The following CALN1 variants were observed in gnomAD, a reference collection of about 807,000 sequenced individuals.
CALN1 encodes calcium-binding protein 8.
Under a neutral mutation model 30.6 loss-of-function variants are expected in CALN1, and 17 were observed. The ratio of observed to expected loss-of-function variants is 0.56; its 90% CI spans 0.38 to 0.83. The LOEUF (loss-of-function observed/expected upper bound fraction) is 0.83, where lower values mean the gene tolerates loss of function less well. Ranked by LOEUF, CALN1 falls within the 40% of genes least tolerant of loss-of-function variation. The pLI is 0.00. For missense variants in CALN1, 291 were observed against 354.9 expected (o/e 0.82, Z 1.45); for synonymous variants, 156 against 131.4 (o/e 1.19, Z -1.28).
chr7:72,213,973 A>G (rs752782023), intron 3 of CALN1, among the ~76,000 whole-genome samples: 1 of 152,268 alleles, frequency 6.6e-6, no homozygotes, highest in Non-Finnish European at 1.5e-5. Context: ...AGACCCCTGC[A>G]GTGAGCCCTT....
the CALN1 span, among the ~76,000 whole-genome samples, chr7:72,492,916 G>A: frequency 6.6e-6 from 1 of 152,200 alleles, no homozygotes; most frequent in African/African-American, 2.4e-5. Flanking sequence ...CACATTTGCA[G>A]AGACTAAATC....
At chr7:71,859,187 C>A (rs1200932095) in intron 5 of CALN1, among the ~76,000 whole-genome samples, 1 of 152,102 alleles carries the variant, frequency 6.6e-6, no homozygotes, top group African/African-American at 2.4e-5. Flanking sequence ...CTCAGCCTCC[C>A]AAGTAGCTGG....
At chr7:72,171,114 C>T (rs1157207849) in intron 3 of CALN1, among the ~76,000 whole-genome samples, 1 of 152,068 alleles carries the variant, frequency 6.6e-6, no homozygotes, top group East Asian at 1.9e-4. Context: ...AGCCAGACTG[C>T]ACCACTGCAC....
chr7:71,816,598 C>T (rs920510583), intron 5 of CALN1, among the ~76,000 whole-genome samples: 2 of 152,124 alleles, frequency 1.3e-5, no homozygotes, highest in African/African-American at 4.8e-5. Flanking sequence ...ATTCAGAAAT[C>T]AGGCCAAAAG....
chr7:71,970,970 C>T (rs766547289), intron 5 of CALN1, among the ~76,000 whole-genome samples: 16 of 152,218 alleles, frequency 1.1e-4, no homozygotes, highest in Non-Finnish European at 1.5e-4. Context: ...GCATTCCCAG[C>T]GGAGGCAAGA....
chr7:72,158,854 A>G (rs1167430719), intron 3 of CALN1, among the ~76,000 whole-genome samples: 6 of 151,680 alleles, frequency 4.0e-5, no homozygotes, highest in South Asian at 2.1e-4. Context: ...TTATTTATTT[A>G]TTTGTTTGTT....
chr7:71,808,618 G>T (rs972417869), intron 6 of CALN1, among the ~76,000 whole-genome samples: 13 of 151,960 alleles, frequency 8.6e-5, no homozygotes, highest in African/African-American at 2.9e-4. Context: ...GCCTTACTTC[G>T]AATTTAGATT....
At chr7:72,346,426 C>G (rs1324208064) in intron 2 of CALN1, among the ~76,000 whole-genome samples, 4 of 152,110 alleles carry the variant, frequency 2.6e-5, no homozygotes, top group Non-Finnish European at 5.9e-5. Flanking sequence ...ATGTAATACT[C>G]TTACTTGTTT....
intron 3 of CALN1, among the ~76,000 whole-genome samples, chr7:72,173,956 ATGTC>A (rs1233260599): frequency 2.0e-5 from 3 of 152,186 alleles, no homozygotes; most frequent in Non-Finnish European, 4.4e-5. Flanking sequence ...AAAAATAAAA[ATGTC>A]TGGTCTTTAA....
At chr7:72,153,888 A>C (rs1787455110) in intron 3 of CALN1, among the ~76,000 whole-genome samples, 2 of 152,040 alleles carry the variant, frequency 1.3e-5, no homozygotes, top group Admixed American at 1.3e-4. Context: ...TGGTGGTTAG[A>C]ATGATTTTTA....
chr7:72,358,292 C>G (rs566213483), intron 2 of CALN1, among the ~76,000 whole-genome samples: 71 of 152,008 alleles, frequency 4.7e-4, no homozygotes, highest in Non-Finnish European at 8.5e-4. Flanking sequence ...ACTACCACGC[C>G]TAGCCTTGGA....
At chr7:72,229,280 G>C (rs1793914566) in intron 3 of CALN1, among the ~76,000 whole-genome samples, 1 of 151,964 alleles carries the variant, frequency 6.6e-6, no homozygotes, top group Non-Finnish European at 1.5e-5. Context: ...GTATTATCCT[G>C]TTTTATCTGG....
At chr7:71,800,111 C>T (rs1001161689) in intron 6 of CALN1, among the ~76,000 whole-genome samples, 2 of 152,202 alleles carry the variant, frequency 1.3e-5, no homozygotes, top group Non-Finnish European at 2.9e-5. Context: ...CCTGACAGCC[C>T]GACAGGAACG....
At chr7:72,390,356 G>C (rs1805504175) in intron 2 of CALN1, among the ~76,000 whole-genome samples, 1 of 152,010 alleles carries the variant, frequency 6.6e-6, no homozygotes, top group Non-Finnish European at 1.5e-5. Flanking sequence ...ACTTGAACCT[G>C]GGAGGCAGAG....
intron 3 of CALN1, among the ~76,000 whole-genome samples, chr7:72,169,486 A>ATTTAT (rs142493846): frequency 1.3e-3 from 141 of 105,392 alleles, no homozygotes; most frequent in Middle Eastern, 0.013. Flanking sequence ...CACCCAGCTG[A>ATTTAT]TTATTTTTTT....
intron 5 of CALN1, among the ~76,000 whole-genome samples, chr7:71,820,424 G>A (rs1465278195): frequency 1.3e-5 from 2 of 152,242 alleles, no homozygotes; most frequent in African/African-American, 4.8e-5. Context: ...GACCTCCTGA[G>A]GGCTGTGTCA....
chr7:72,305,586 C>G (rs1422280188), intron 2 of CALN1, among the ~76,000 whole-genome samples: 1 of 152,116 alleles, frequency 6.6e-6, no homozygotes, highest in Non-Finnish European at 1.5e-5. Flanking sequence ...GCTGAGGCCT[C>G]TCCCAAGACA....
At chr7:72,003,915 G>T (rs1269585925) in intron 5 of CALN1, among the ~76,000 whole-genome samples, 1 of 152,110 alleles carries the variant, frequency 6.6e-6, no homozygotes, top group Non-Finnish European at 1.5e-5. Context: ...GCTATTCCTA[G>T]ACCACTGGAC....
the CALN1 span, among the ~76,000 whole-genome samples, chr7:72,465,066 C>A: frequency 3.3e-5 from 5 of 152,276 alleles, no homozygotes; most frequent in African/African-American, 1.2e-4. Flanking sequence ...GGCCACCAAG[C>A]CCAAAAGTCC....
Sources: gnomAD v4.1 joint callset for allele counts (sites outside exome capture counted in the v4.1 genomes callset) on GRCh38, gnomAD v4.1.1 for gene constraint, MANE v1.5 for transcripts, NCBI Gene and HGNC (gene_info 2026-07-23, HGNC 2026-07-21) for gene names.